ZMYM2: variants seen among roughly 807,000 people sequenced by gnomAD.
ZMYM2 encodes zinc finger MYM-type protein 2.
Under a neutral mutation model 162.8 loss-of-function variants are expected in ZMYM2, and 56 were observed. That is an observed-to-expected ratio of 0.34 (90% CI 0.28 to 0.43). The LOEUF is 0.43. Ranked by LOEUF, ZMYM2 falls within the 20% of genes least tolerant of loss-of-function variation. ZMYM2 has a pLI of 1.00. For missense variants in ZMYM2, 1,275 were observed against 1,621.8 expected (o/e 0.79, Z 3.67); for synonymous variants, 510 against 541.6 (o/e 0.94, Z 0.81).
intron 6 of ZMYM2, among the ~76,000 whole-genome samples, chr13:20,008,432 A>G (rs539864257): frequency 1.1e-4 from 16 of 152,336 alleles, no homozygotes; most frequent in African/African-American, 2.9e-4. Flanking sequence ...TTCCCGCCCA[A>G]TTGTTGTTAA....
chr13:19,866,276 T>C, the ZMYM2 span, among the ~76,000 whole-genome samples: 126 of 152,094 alleles, frequency 8.3e-4, 1 homozygote, highest in Admixed American at 2.0e-3. Context: ...TTATCACACA[T>C]ATGACACTTA....
the ZMYM2 span, among the ~76,000 whole-genome samples, chr13:19,880,151 G>A: frequency 6.6e-6 from 1 of 152,222 alleles, no homozygotes; most frequent in South Asian, 2.1e-4. Flanking sequence ...CCAGCTTTCA[G>A]ACAGCATACT....
chr13:19,899,319 T>C, the ZMYM2 span, among the ~76,000 whole-genome samples: 1 of 152,052 alleles, frequency 6.6e-6, no homozygotes, highest in Admixed American at 6.6e-5. Context: ...GTAAAACTTA[T>C]GAAATTCAGT....
At chr13:20,029,694 T>C (rs1952904614) in intron 9 of ZMYM2, among the ~76,000 whole-genome samples, 1 of 152,206 alleles carries the variant, frequency 6.6e-6, no homozygotes, top group Non-Finnish European at 1.5e-5. Flanking sequence ...ATGAGTAATA[T>C]GGTTTAAAAA....
At chr13:19,870,584 C>CT in the ZMYM2 span, among the ~76,000 whole-genome samples, 102 of 111,452 alleles carry the variant, frequency 9.2e-4, no homozygotes, top group Non-Finnish European at 1.3e-3. Context: ...CTTTCCTTTC[C>CT]TTCCTTCCTT....
intron 21 of ZMYM2, among the ~76,000 whole-genome samples, chr13:20,072,746 G>A (rs9509025): frequency 0.026 from 4,001 of 151,944 alleles, 119 homozygotes; most frequent in East Asian, 0.13. Context: ...GATATCAACT[G>A]TTTAGATTTC....
chr13:20,021,951 C>T (rs1952146707), intron 7 of ZMYM2, among the ~76,000 whole-genome samples: 1 of 152,132 alleles, frequency 6.6e-6, no homozygotes, highest in Non-Finnish European at 1.5e-5. Context: ...CCTTGAAAGA[C>T]TTGTGTTTCC....
the ZMYM2 span, among the ~76,000 whole-genome samples, chr13:19,921,812 T>A: frequency 6.6e-6 from 1 of 152,152 alleles, no homozygotes; most frequent in Non-Finnish European, 1.5e-5. Context: ...AAAATTAATA[T>A]AAGTGGAGAG....
At chr13:19,985,768 C>T (rs758565105) in intron 2 of ZMYM2, among the ~76,000 whole-genome samples, 2 of 151,364 alleles carry the variant, frequency 1.3e-5, no homozygotes, top group African/African-American at 2.4e-5. Flanking sequence ...CCCAGCTACT[C>T]GGGAGGCTGA....
chr13:19,899,816 CAAAAAAA>C, the ZMYM2 span, among the ~76,000 whole-genome samples: 4 of 64,984 alleles, frequency 6.2e-5, no homozygotes, highest in African/African-American at 7.3e-5. Context: ...GACTCTGACT[CAAAAAAA>C]AAAAAAAAAA....
the ZMYM2 span, among the ~76,000 whole-genome samples, chr13:19,898,309 T>C: frequency 6.6e-6 from 1 of 151,798 alleles, no homozygotes; most frequent in Non-Finnish European, 1.5e-5. Context: ...CTTGGCTCAC[T>C]GCAAGCTCTG....
the ZMYM2 span, among the ~76,000 whole-genome samples, chr13:19,931,592 C>G: frequency 6.6e-6 from 1 of 152,056 alleles, no homozygotes; most frequent in Non-Finnish European, 1.5e-5. Context: ...TTCAGATTGG[C>G]TTCTTTCACT....
Position 20,034,423 on chromosome 13 carries a change from G to A in ZMYM2, c.2119+19G>A, listed in dbSNP as rs748864642. The A allele has an allele frequency of 6.6e-7, 1 of 1,513,586 alleles. No homozygotes were observed. Among genetic ancestry groups the A allele is most frequent in the South Asian group, 1.4e-5 (1 of 73,244 alleles). 93.8% of individuals were successfully genotyped at this position (1,513,586 alleles called of 1,614,324 possible). On this transcript the variant is annotated intron_variant, in intron 11 of 24. Coordinates refer to ENST00000610343, the MANE Select transcript of ZMYM2 (RefSeq NM_197968.4). ...AGTGAAGGCAAGTTGCATATACAGT[G>A]TTGTTCATAACATTTATTGATATTT...
At chr13:19,929,950 A>C in the ZMYM2 span, among the ~76,000 whole-genome samples, 2 of 152,150 alleles carry the variant, frequency 1.3e-5, no homozygotes, top group Non-Finnish European at 2.9e-5. Context: ...GTGTTGTTTT[A>C]ATAATACACT....
At chr13:20,062,743 T>A (rs1956323272) in intron 17 of ZMYM2, 103 bp from the exon 18 acceptor site, 9 of 1,181,128 alleles carry the variant, frequency 7.6e-6, no homozygotes, top group Non-Finnish European at 1.0e-5. Context: ...CGTATTTTTT[T>A]ATATTGCATT....
chr13:19,986,669 A>G (rs1219323350), intron 2 of ZMYM2, among the ~76,000 whole-genome samples: 1 of 152,232 alleles, frequency 6.6e-6, no homozygotes, highest in Non-Finnish European at 1.5e-5. Flanking sequence ...AACTAATTCA[A>G]TTAAAATTTT....
chr13:19,980,332 TA>T (rs1957201728), intron 2 of ZMYM2, among the ~76,000 whole-genome samples: 1 of 152,202 alleles, frequency 6.6e-6, no homozygotes, highest in African/African-American at 2.4e-5. Flanking sequence ...TTCCTTGATA[TA>T]TTGGGTCTGT....
the ZMYM2 span, among the ~76,000 whole-genome samples, chr13:19,938,930 A>G: frequency 6.6e-6 from 1 of 152,042 alleles, no homozygotes; most frequent in Non-Finnish European, 1.5e-5. Context: ...TCTTTTTTGT[A>G]CAAAGGAAAC....
intron 2 of ZMYM2, among the ~76,000 whole-genome samples, chr13:19,984,230 C>T (rs949592451): frequency 6.6e-6 from 1 of 152,118 alleles, no homozygotes; most frequent in African/African-American, 2.4e-5. Flanking sequence ...TATATTTTAA[C>T]TATTACCTTT....
Sources: gnomAD v4.1 joint callset for allele counts (sites outside exome capture counted in the v4.1 genomes callset) on GRCh38, gnomAD v4.1.1 for gene constraint, MANE v1.5 for transcripts, NCBI Gene and HGNC (gene_info 2026-07-23, HGNC 2026-07-21) for gene names.